The following RANBP9 variants were observed in gnomAD, a reference collection of about 807,000 sequenced individuals.
The protein encoded by RANBP9 is RAN binding protein 9.
In RANBP9, 15 loss-of-function variants were observed where a neutral mutation model predicts 84.3. That is an observed-to-expected ratio of 0.18 (90% CI 0.12 to 0.27). The LOEUF is 0.27. Among genes scored for constraint, RANBP9 ranks in the 10% least tolerant of loss-of-function variants. The pLI, the probability that RANBP9 is intolerant of heterozygous loss-of-function variation, is 1.00. For missense variants in RANBP9, 809 were observed against 912.8 expected, an observed-to-expected ratio of 0.89 and a Z score of 1.46; for synonymous variants, 392 against 349.6, an observed-to-expected ratio of 1.12 and a Z score of -1.35.
rs1764474392 is a variant in RANBP9, at chr6:13,622,329, C to T, written c.*33G>A. On this transcript the variant is annotated 3_prime_UTR_variant, in exon 14 of 14. Coordinates refer to ENST00000011619, the MANE Select transcript of RANBP9 (RefSeq NM_005493.3). ...GTCTACTTCCATGTTGACTATATGC[C>T]ACAATATAAGTGTGAGCTCTTGAAA... The T allele has an allele frequency of 2.0e-6, 3 of 1,468,514 alleles. No individual in the cohort carries two copies. The highest frequency in any genetic ancestry group is 2.7e-6 in the Non-Finnish European group (3 of 1,103,612). The allele number at this position is 1,468,514 out of a possible 1,614,324, so 91.0% of individuals were successfully genotyped here. A position where few individuals can be genotyped will look rare whatever the true frequency, so the allele number is the denominator to read the frequency against.
At chr6:13,650,698 A>G (rs568815304) in intron 5 of RANBP9, among the ~76,000 whole-genome samples, 1 of 152,334 alleles carries the variant, frequency 6.6e-6, no homozygotes, top group African/African-American at 2.4e-5. Context: ...CAGAGACATA[A>G]TAAGAGTAAT....
intron 1 of RANBP9, among the ~76,000 whole-genome samples, chr6:13,705,588 G>A (rs1758087736): frequency 6.6e-6 from 1 of 151,890 alleles, no homozygotes; most frequent in Admixed American, 6.6e-5. Flanking sequence ...TAGGCCGGGC[G>A]CGGTGGCTCA....
chr6:13,711,692 C>G lies in RANBP9; in HGVS notation c.-187G>C, dbSNP rs1377790438. 1.1e-5 allele frequency: 4 copies of G among 370,534 alleles called. No individual in the cohort carries two copies. The highest frequency in any genetic ancestry group is 1.7e-5 in the Non-Finnish European group (4 of 229,996). 23.0% of individuals were successfully genotyped at this position (370,534 alleles called of 1,614,324 possible). ...AGCTCGGAGACGCGGGAGTAGGCGGCGGGCCCGGGAGGCCGGGAGAGAACG... is the reference window on the plus strand; with the variant it reads ...AGCTCGGAGACGCGGGAGTAGGCGGGGGGCCCGGGAGGCCGGGAGAGAACG... On this transcript the variant is annotated 5_prime_UTR_variant, in exon 1 of 14. Coordinates refer to ENST00000011619, the MANE Select transcript of RANBP9 (RefSeq NM_005493.3).
chr6:13,659,872 T>C (rs1424715179), intron 2 of RANBP9, among the ~76,000 whole-genome samples: 1 of 152,232 alleles, frequency 6.6e-6, no homozygotes, highest in African/African-American at 2.4e-5. Context: ...TGTTAAATAC[T>C]GTTTTAGGGG....
rs561396771 is a variant in RANBP9, at chr6:13,686,208, G to A, written c.683+10577C>T. On this transcript the variant is annotated intron_variant, in intron 2 of 13. Coordinates refer to ENST00000011619, the MANE Select transcript of RANBP9 (RefSeq NM_005493.3). Reference sequence around the variant, plus strand: ...CAGCCTTGACCTCCTGGGCTCAAGCGATCTTCCTGGCTCAGCCTCTCATAT... The same window carrying A: ...CAGCCTTGACCTCCTGGGCTCAAGCAATCTTCCTGGCTCAGCCTCTCATAT... 4.8e-5 allele frequency among the ~76,000 whole-genome samples: 7 copies of A among 146,382 alleles called. No individual in the cohort carries two copies. In the South Asian group the frequency reaches 8.7e-4, roughly 18 times the overall value.
chr6:13,669,282 T>A (rs925470876), intron 2 of RANBP9, among the ~76,000 whole-genome samples: 1 of 152,188 alleles, frequency 6.6e-6, no homozygotes, highest in Admixed American at 6.5e-5. Flanking sequence ...GACTAAATGC[T>A]GTTAAAATAG....
intron 5 of RANBP9, among the ~76,000 whole-genome samples, chr6:13,645,463 C>T (rs1166855679): frequency 6.6e-6 from 1 of 152,092 alleles, no homozygotes; most frequent in Admixed American, 6.5e-5. Context: ...ACAAAAAATA[C>T]AGGGGTCATT....
At chr6:13,636,446 C>G (rs1353759295) in intron 10 of RANBP9, among the ~76,000 whole-genome samples, 1 of 152,194 alleles carries the variant, frequency 6.6e-6, no homozygotes, top group Non-Finnish European at 1.5e-5. Flanking sequence ...GTTGTGTCAT[C>G]AGACCCTTCC....
At chr6:13,654,208 C>A (rs1232347515) in intron 4 of RANBP9, among the ~76,000 whole-genome samples, 2 of 152,090 alleles carry the variant, frequency 1.3e-5, no homozygotes, top group African/African-American at 4.8e-5. Context: ...CATGTTTTTG[C>A]TCAATCAGAC....
intron 1 of RANBP9, among the ~76,000 whole-genome samples, chr6:13,699,730 T>C (rs934901376): frequency 6.6e-6 from 1 of 152,030 alleles, no homozygotes; most frequent in Non-Finnish European, 1.5e-5. Context: ...GGCATGGTAG[T>C]GTGCGCCTGT....
At chr6:13,703,377 G>A (rs184642142) in intron 1 of RANBP9, among the ~76,000 whole-genome samples, 26 of 152,178 alleles carry the variant, frequency 1.7e-4, no homozygotes, top group Admixed American at 5.2e-4. Flanking sequence ...AATCAGTCAC[G>A]ACCTAGACCT....
intron 6 of RANBP9, among the ~76,000 whole-genome samples, chr6:13,643,554 G>A (rs529794221): frequency 6.6e-6 from 1 of 152,214 alleles, no homozygotes; most frequent in Admixed American, 6.5e-5. Flanking sequence ...TAAGGGGGAG[G>A]GGACCTTTTA....
At chr6:13,625,857 A>G (rs1039503076) in intron 12 of RANBP9, 93 bp from the exon 13 acceptor site, 1 of 845,282 alleles carries the variant, frequency 1.2e-6, no homozygotes, top group Non-Finnish European at 2.0e-6. Flanking sequence ...TATGGCTTCC[A>G]GGCACAGACT....
At chr6:13,660,788 A>G (rs1765524063) in intron 2 of RANBP9, among the ~76,000 whole-genome samples, 1 of 152,254 alleles carries the variant, frequency 6.6e-6, no homozygotes, top group African/African-American at 2.4e-5. Context: ...CAAAACATTA[A>G]GAAACAACAC....
At chr6:13,629,819 A>G (rs765966714) in intron 12 of RANBP9, among the ~76,000 whole-genome samples, 3 of 152,164 alleles carry the variant, frequency 2.0e-5, no homozygotes, top group Non-Finnish European at 4.4e-5. Flanking sequence ...CTAAAAGGAA[A>G]AAGGTCAAGA....
At chr6:13,636,131 AG>A (rs1208384524) in intron 10 of RANBP9, among the ~76,000 whole-genome samples, 9 of 152,252 alleles carry the variant, frequency 5.9e-5, no homozygotes, top group African/African-American at 1.9e-4. Context: ...GAGGTGAGGG[AG>A]GGTAGGAAGA....
Position 13,705,868 on chromosome 6 carries a change from C to CAAAAAAAAAAAAAAAAAAA in RANBP9, c.571+5066_571+5067insTTTTTTTTTTTTTTTTTTT, listed in dbSNP as rs767070995. On this transcript the variant is annotated intron_variant, in intron 1 of 13. Transcript: ENST00000011619. The stretch of plus-strand genomic sequence containing the variant: ...TGGGCGACAGAGCAAGACTCCGTCT[C>CAAAAAAAAAAAAAAAAAAA]AAAAAAAAAAAAAAAAAAGAAACAT... Among the ~76,000 whole-genome samples the CAAAAAAAAAAAAAAAAAAA allele has an allele frequency of 1.5e-3, 114 of 76,708 alleles. 3 individuals carry two copies. The highest frequency in any genetic ancestry group is 4.2e-3 in the African/African-American group (80 of 18,870). 50.3% of individuals were successfully genotyped at this position (76,708 alleles called of 152,430 possible).
chr6:13,693,706 CTGGCTCAGGAGAAAAAAA>C (rs2113352448), intron 2 of RANBP9, among the ~76,000 whole-genome samples: 1 of 152,306 alleles, frequency 6.6e-6, no homozygotes, highest in African/African-American at 2.4e-5. Flanking sequence ...AACTTACTGT[CTGGCTCAGGAGAAAAAAA>C]TGTATATATG....
At chr6:13,706,412 T>C (rs1485622157) in intron 1 of RANBP9, among the ~76,000 whole-genome samples, 1 of 151,000 alleles carries the variant, frequency 6.6e-6, no homozygotes, top group Non-Finnish European at 1.5e-5. Context: ...AGTGAAATTC[T>C]GGCTGGGCAC....
Sources: allele counts gnomAD v4.1 joint callset (sites outside exome capture counted in the v4.1 genomes callset), GRCh38; gene constraint gnomAD v4.1.1; transcripts MANE v1.5; gene names NCBI Gene and HGNC (gene_info 2026-07-23, HGNC 2026-07-21).